DUS1L: variants seen among roughly 807,000 people sequenced by gnomAD.
DUS1L encodes the protein dihydrouridine synthase 1 like.
A neutral mutation model predicts 61.2 loss-of-function variants in DUS1L; 56 were observed. The ratio of observed to expected loss-of-function variants is 0.92; its 90% CI spans 0.74 to 1.14. DUS1L has a LOEUF of 1.14. Among genes scored for constraint, DUS1L ranks in the 50% most tolerant of loss-of-function variants. The pLI is 0.00. For missense variants in DUS1L, 630 were observed against 632.4 expected, an observed-to-expected ratio of 1.00 and a Z score of 0.04; for synonymous variants, 278 against 259.5, an observed-to-expected ratio of 1.07 and a Z score of -0.69.
At chr17:82,061,537 A>G in intron 7 of DUS1L, 81 bp downstream of exon 7, 1 of 1,467,526 alleles carries the variant, frequency 6.8e-7, no homozygotes, top group Non-Finnish European at 9.3e-7. Context: ...GGAGGGCAGT[A>G]GGCAGTGGGA....
At chr17:82,065,388 G>A (rs1414740702) in intron 1 of DUS1L, 3 of 301,330 alleles carry the variant, frequency 1.0e-5, no homozygotes, top group Non-Finnish European at 1.9e-5. Flanking sequence ...CTGGCCCTGA[G>A]CAGGCCGCCC....
At chr17:82,062,722 G>A (rs1311009008) in intron 5 of DUS1L, 139 bp downstream of exon 5, 2 of 687,502 alleles carry the variant, frequency 2.9e-6, no homozygotes, top group Admixed American at 2.6e-5. Context: ...AGAGCCAGTG[G>A]GGACAGGCCA....
chr17:82,063,412 A>C lies in DUS1L; in HGVS notation c.397+56T>G, dbSNP rs368414560. ...AGCCCCAACCAAGTGGACAGTGCCC[A>C]TGTGTCCCTCTTGAGGGTCTCTGGG... is the stretch of plus-strand genomic sequence containing the variant. On this transcript the variant is annotated intron_variant, in intron 4 of 13. Coordinates refer to ENST00000306796, the MANE Select transcript of DUS1L (RefSeq NM_022156.5). The C allele has an allele frequency of 6.1e-5, 98 of 1,611,392 alleles. No homozygotes were observed. In the African/African-American group the frequency reaches 1.2e-3, roughly 20 times the overall value.
At chr17:82,062,050 CT>C in intron 5 of DUS1L, 67 bp from the exon 6 acceptor site, 1 of 1,399,646 alleles carries the variant, frequency 7.1e-7, no homozygotes, top group Middle Eastern at 2.6e-4. Context: ...CCCTCCGCCC[CT>C]CCACGCCCCC....
chr17:82,064,236 T>A lies in DUS1L; in HGVS notation c.238-2A>T. 1 of 1,610,182 alleles carries A rather than the reference T, an allele frequency of 6.2e-7. No individual in the cohort carries two copies. The highest frequency in any genetic ancestry group is 8.5e-7 in the Non-Finnish European group (1 of 1,179,294). ...CACCTCCGGGTCATTGGCACAGAAC[T>A]GGAGAAGATGCAGGAGTCAGCCACG... On this transcript the variant is annotated splice_acceptor_variant, in intron 2 of 13. Transcript: ENST00000306796. LOFTEE classifies it high-confidence loss of function.
chr17:82,062,803 G>T, intron 5 of DUS1L, 58 bp downstream of exon 5: 1 of 1,440,848 alleles, frequency 6.9e-7, no homozygotes, highest in South Asian at 1.1e-5. Context: ...CCTCAGCTAT[G>T]TCCTCTGCGC....
rs371117778 is a variant in DUS1L at position 82,058,794 on chromosome 17, C to T, written c.1193G>A (p.Cys398Tyr). 1.9e-5 allele frequency: 30 copies of T among 1,613,306 alleles called. No homozygotes were observed. Among genetic ancestry groups the T allele is most frequent in the African/African-American group, 5.3e-5 (4 of 74,940 alleles). Residue 398 changes from cysteine (C) to tyrosine (Y), a missense_variant, in exon 12 of 14, where the codon TGT (cysteine) becomes TAT (tyrosine). By Grantham distance (194) the Cys-to-Tyr change is radical (BLOSUM62 -2). Transcript: ENST00000306796. ...LKPKYAKCDQ[C>Y]GNPKGNRCVF... Reference sequence around the variant, plus strand: ...GAACCCACTCACCTTTGGGTTTCCACACTGGTCACACTTTGCATATTTTGC... The same window carrying T: ...GAACCCACTCACCTTTGGGTTTCCATACTGGTCACACTTTGCATATTTTGC...
At position 82,061,035 on chromosome 17, in the gene DUS1L, AC is replaced by A. The variant is rs2033466067; in HGVS notation, c.843-75del. On this transcript the variant is annotated intron_variant, in intron 8 of 13. Coordinates refer to ENST00000306796, the MANE Select transcript of DUS1L (RefSeq NM_022156.5). ...AGGCCCCAGGCTGAGCACTGGGCAC[AC>A]GGGGACCTGTGTCTCTTCCTGCCCA... The A allele has an allele frequency of 2.6e-6, 4 of 1,555,214 alleles. No homozygotes were observed. In the African/African-American group the frequency reaches 4.1e-5, roughly 16 times the overall value.
In DUS1L at chr17:82,058,140, TC is replaced by T; in HGVS notation, c.1396del (p.Glu466LysfsTer82). ...AAPGTPGGFS[E>X]VMGSALA Reference sequence around the variant, plus strand: ...TCAGGCCAGGGCACTGCCCATGACTTCGGAGAAGCCACCTGGTGTTCCAGGT... The same window carrying T: ...TCAGGCCAGGGCACTGCCCATGACTTGGAGAAGCCACCTGGTGTTCCAGGT... On this transcript the variant is annotated frameshift_variant, in exon 14 of 14. Transcript: ENST00000306796. LOFTEE classifies it high-confidence loss of function. 3.8e-6 allele frequency: 6 copies of T among 1,590,438 alleles called. No homozygotes were observed. The highest frequency in any genetic ancestry group is 4.3e-6 in the Non-Finnish European group (5 of 1,163,988).
At chr17:82,058,937 G>C (rs1160235403) in intron 11 of DUS1L, 119 bp from the exon 12 acceptor site, 8 of 953,566 alleles carry the variant, frequency 8.4e-6, no homozygotes, top group Admixed American at 1.8e-5. Context: ...TGGCCAGCCA[G>C]GCCAGGAGGC....
At chr17:82,058,968 A>G in intron 11 of DUS1L, 150 bp from the exon 12 acceptor site, 1 of 716,728 alleles carries the variant, frequency 1.4e-6, no homozygotes, top group Non-Finnish European at 2.5e-6. Context: ...CAGAGGATGC[A>G]GGCTGGCCAC....
At chr17:82,062,564 C>T (rs1194262526) in intron 5 of DUS1L, among the ~76,000 whole-genome samples, 6 of 152,270 alleles carry the variant, frequency 3.9e-5, no homozygotes, top group African/African-American at 1.4e-4. Flanking sequence ...AGACTGGATG[C>T]TGAGTATCCC....
At position 82,063,390 on chromosome 17, in the gene DUS1L, C is replaced by T. The variant is rs2033604206; in HGVS notation, c.397+78G>A. 3 of 1,600,364 alleles carry T rather than the reference C, an allele frequency of 1.9e-6. No homozygotes were observed. The Admixed American group carries it at 5.0e-5, about 27-fold the overall frequency. Reference sequence around the variant, plus strand: ...TGCCAACGCCTGTCCTCTCCTGAGCCCCAACCAAGTGGACAGTGCCCATGT... The same window carrying T: ...TGCCAACGCCTGTCCTCTCCTGAGCTCCAACCAAGTGGACAGTGCCCATGT... On this transcript the variant is annotated intron_variant, in intron 4 of 13. Transcript: ENST00000306796.
chr17:82,060,923 T>C lies in DUS1L; in HGVS notation c.881A>G (p.Lys294Arg). The change falls in exon 9 of 14, where the codon AAG becomes AGG. Residue 294 changes from lysine (K) to arginine (R), a missense_variant. Lys to Arg is a conservative substitution (Grantham distance 26, BLOSUM62 2). Transcript: ENST00000306796. ...AGCGATGCCCTCCAGGGTCTTCACCTTGGCCAGCTCCTCTCGCAGCTCCTG... is the reference window on the plus strand; with the variant it reads ...AGCGATGCCCTCCAGGGTCTTCACCCTGGCCAGCTCCTCTCGCAGCTCCTG... ...VHQELREELA[K>R]VKTLEGIAAV... The C allele has an allele frequency of 6.2e-7, 1 of 1,611,122 alleles. No individual in the cohort carries two copies. Among genetic ancestry groups the C allele is most frequent in the Non-Finnish European group, 8.5e-7 (1 of 1,179,920 alleles).
chr17:82,058,684 G>T, intron 12 of DUS1L, 97 bp downstream of exon 12: 1 of 1,581,596 alleles, frequency 6.3e-7, no homozygotes, highest in East Asian at 2.3e-5. Flanking sequence ...AAACCCAGCT[G>T]GGCGGGCACC....
intron 11 of DUS1L, 101 bp downstream of exon 11, chr17:82,059,847 G>C (rs116851942): frequency 3.9e-6 from 6 of 1,533,966 alleles, no homozygotes; most frequent in South Asian, 1.2e-5. Flanking sequence ...TCTGGGCCTT[G>C]AGCCTTGCTG....
intron 1 of DUS1L, 113 bp downstream of exon 1, chr17:82,065,500 C>G (rs1013972275): frequency 1.9e-5 from 3 of 161,690 alleles, no homozygotes; most frequent in South Asian, 3.9e-4. Flanking sequence ...CCAGGCGGCC[C>G]GGCTGGCCCG....
At position 82,065,648 on chromosome 17, in the gene DUS1L, TG is replaced by T. The variant is rs2033735709; in HGVS notation, c.-47del. The T allele has an allele frequency of 6.6e-6, 1 of 150,914 alleles. No homozygotes were observed. Among genetic ancestry groups the T allele is most frequent in the Non-Finnish European group, 1.5e-5 (1 of 67,662 alleles). The allele number at this position is 150,914 out of a possible 1,614,324, so 9.3% of individuals were successfully genotyped here. On this transcript the variant is annotated 5_prime_UTR_variant, in exon 1 of 14. Transcript: ENST00000306796. ...CCCCGCCGTGTCCGCCGCGCGCCTT[TG>T]GCTCCGAGGGCGCCGGGTGCCGGTG...
intron 3 of DUS1L, 138 bp from the exon 4 acceptor site, chr17:82,063,656 C>G: frequency 1.0e-6 from 1 of 984,638 alleles, no homozygotes; most frequent in Non-Finnish European, 1.5e-6. Flanking sequence ...GTCCCCAGAA[C>G]CAGCAGTGTC....
Sources: allele counts gnomAD v4.1 joint callset (sites outside exome capture counted in the v4.1 genomes callset), GRCh38; gene constraint gnomAD v4.1.1; transcripts MANE v1.5; gene names NCBI Gene and HGNC (gene_info 2026-07-23, HGNC 2026-07-21).